The following CNTNAP5 variants were observed in gnomAD, a reference collection of about 807,000 sequenced individuals.
CNTNAP5 encodes contactin-associated protein-like 5.
CNTNAP5 carries 72 observed loss-of-function variants against 150.2 expected under a neutral mutation model. The observed-to-expected ratio is 0.48, with a 90% CI of 0.40 to 0.58. The LOEUF (loss-of-function observed/expected upper bound fraction) is 0.58, where lower values mean the gene tolerates loss of function less well. Ranked by LOEUF, CNTNAP5 falls within the 20% of genes least tolerant of loss-of-function variation. The probability of loss-of-function intolerance (pLI) is 0.00; values close to 1 mark genes in which losing one functional copy is unlikely to be tolerated. For synonymous variants in CNTNAP5, 672 were observed against 619.8 expected (o/e 1.08, Z -1.25); for missense variants, 1,636 against 1,626.2 (o/e 1.01, Z -0.10).
intron 3 of CNTNAP5, among the ~76,000 whole-genome samples, chr2:124,331,323 A>G (rs1040869533): frequency 1.6e-4 from 24 of 152,118 alleles, no homozygotes; most frequent in Admixed American, 1.5e-3. Flanking sequence ...AGCCAAAATT[A>G]TGACTGATAA....
At chr2:124,092,775 TTTAATGTAATTTTCACTGCC>T (rs1682844009) in intron 1 of CNTNAP5, among the ~76,000 whole-genome samples, 1 of 152,226 alleles carries the variant, frequency 6.6e-6, no homozygotes, top group Non-Finnish European at 1.5e-5. Flanking sequence ...TCTCTTGCTT[TTTAATGTAATTTTCACTGCC>T]TAAGTCCAAA....
chr2:124,820,184 T>C (rs988717673), intron 19 of CNTNAP5, among the ~76,000 whole-genome samples: 1 of 151,998 alleles, frequency 6.6e-6, no homozygotes, highest in African/African-American at 2.4e-5. Flanking sequence ...CTTTAGTCTG[T>C]TTTTTTGTTT....
intron 1 of CNTNAP5, among the ~76,000 whole-genome samples, chr2:124,183,236 T>C (rs1471991734): frequency 1.3e-5 from 2 of 152,156 alleles, no homozygotes; most frequent in African/African-American, 4.8e-5. Context: ...ATTTAATGGA[T>C]GAATGAAATG....
At chr2:124,417,131 T>C (rs2104776636) in intron 3 of CNTNAP5, among the ~76,000 whole-genome samples, 1 of 151,732 alleles carries the variant, frequency 6.6e-6, no homozygotes, top group African/African-American at 2.4e-5. Flanking sequence ...GTAGAGACAG[T>C]GTTTCACCAT....
chr2:124,531,217 A>AT (rs762454200), intron 10 of CNTNAP5, among the ~76,000 whole-genome samples: 1 of 152,082 alleles, frequency 6.6e-6, no homozygotes, highest in Non-Finnish European at 1.5e-5. Context: ...TAGGGTTTAT[A>AT]TGCCTGTGAG....
chr2:124,084,308 C>T (rs1682628484), intron 1 of CNTNAP5, among the ~76,000 whole-genome samples: 1 of 151,676 alleles, frequency 6.6e-6, no homozygotes, highest in Non-Finnish European at 1.5e-5. Flanking sequence ...GCTTTGTTAC[C>T]CAGGCTGGAG....
At chr2:124,743,011 G>A (rs543881072) in intron 13 of CNTNAP5, among the ~76,000 whole-genome samples, 1 of 152,252 alleles carries the variant, frequency 6.6e-6, no homozygotes, top group African/African-American at 2.4e-5. Flanking sequence ...AGTGCATAAC[G>A]CAGACCTCTA....
chr2:124,419,988 C>CTTT (rs772589224), intron 4 of CNTNAP5, among the ~76,000 whole-genome samples: 27 of 78,878 alleles, frequency 3.4e-4, no homozygotes, highest in African/African-American at 8.9e-4. Flanking sequence ...TTCTTTCTTT[C>CTTT]TTTTTTTTTT....
At chr2:124,882,621 G>A (rs540542390) in intron 21 of CNTNAP5, among the ~76,000 whole-genome samples, 25 of 152,246 alleles carry the variant, frequency 1.6e-4, no homozygotes, top group African/African-American at 4.1e-4. Flanking sequence ...CTTCATCAGA[G>A]AGAAGTCCTG....
intron 14 of CNTNAP5, among the ~76,000 whole-genome samples, chr2:124,748,663 A>G (rs1680658024): frequency 6.6e-6 from 1 of 152,180 alleles, no homozygotes; most frequent in Admixed American, 6.5e-5. Flanking sequence ...ACTATTTCAC[A>G]TAAAATATAA....
intron 8 of CNTNAP5, among the ~76,000 whole-genome samples, chr2:124,521,674 A>G (rs1426871282): frequency 6.6e-6 from 1 of 152,172 alleles, no homozygotes; most frequent in East Asian, 1.9e-4. Context: ...AGTATTTAGA[A>G]CTTTTATTCT....
chr2:124,418,526 C>T (rs1287664850), intron 4 of CNTNAP5, among the ~76,000 whole-genome samples: 12 of 152,108 alleles, frequency 7.9e-5, no homozygotes, highest in African/African-American at 2.7e-4. Flanking sequence ...AATCCAAAAG[C>T]GGAATGTTTA....
At chr2:124,407,961 A>T (rs1363849636) in intron 3 of CNTNAP5, among the ~76,000 whole-genome samples, 1 of 152,112 alleles carries the variant, frequency 6.6e-6, no homozygotes, top group Non-Finnish European at 1.5e-5. Flanking sequence ...CTGCATTTCC[A>T]TCTGAGGTAC....
intron 13 of CNTNAP5, among the ~76,000 whole-genome samples, chr2:124,716,498 A>G (rs1430767466): frequency 6.6e-6 from 1 of 151,728 alleles, no homozygotes; most frequent in Non-Finnish European, 1.5e-5. Flanking sequence ...TACTTTTTAT[A>G]TAATTATATT....
intron 1 of CNTNAP5, among the ~76,000 whole-genome samples, chr2:124,030,777 G>A (rs1040665022): frequency 6.6e-6 from 1 of 152,134 alleles, no homozygotes; most frequent in African/African-American, 2.4e-5. Context: ...GATTTAAAAA[G>A]TTGATAGGGA....
At chr2:124,362,673 C>T (rs1364152292) in intron 3 of CNTNAP5, among the ~76,000 whole-genome samples, 1 of 152,126 alleles carries the variant, frequency 6.6e-6, no homozygotes, top group African/African-American at 2.4e-5. Context: ...TCTCCCTGTA[C>T]CTTTCTGTCA....
intron 13 of CNTNAP5, among the ~76,000 whole-genome samples, chr2:124,693,163 G>T (rs1679334357): frequency 2.0e-5 from 3 of 152,176 alleles, no homozygotes; most frequent in African/African-American, 7.2e-5. Context: ...TTTGGGCCTG[G>T]ACCAAGTGCT....
intron 1 of CNTNAP5, among the ~76,000 whole-genome samples, chr2:124,108,649 A>C (rs187603408): frequency 6.6e-6 from 1 of 152,294 alleles, no homozygotes; most frequent in Admixed American, 6.5e-5. Flanking sequence ...AATGTGTTCA[A>C]AGTTAATGAT....
At chr2:124,772,630 A>G (rs1162064220) in intron 16 of CNTNAP5, among the ~76,000 whole-genome samples, 169 bp from the exon 17 acceptor site, 1 of 152,170 alleles carries the variant, frequency 6.6e-6, no homozygotes, top group East Asian at 1.9e-4. Context: ...AAGTATACAC[A>G]TTTAATTTGG....
Sources: allele counts gnomAD v4.1 joint callset (sites outside exome capture counted in the v4.1 genomes callset), GRCh38; gene constraint gnomAD v4.1.1; transcripts MANE v1.5; gene names NCBI Gene and HGNC (gene_info 2026-07-23, HGNC 2026-07-21).